The following GLI3 variants were observed in gnomAD, a reference collection of about 807,000 sequenced individuals.
GLI3 encodes the protein GLI family zinc finger 3.
In GLI3, 20 loss-of-function variants were observed where a neutral mutation model predicts 100.8. The ratio of observed to expected loss-of-function variants is 0.20; its 90% CI spans 0.14 to 0.29. The LOEUF is 0.29. GLI3 is among the 10% of genes least tolerant of loss of function. The probability of loss-of-function intolerance (pLI) is 1.00; values close to 1 mark genes in which losing one functional copy is unlikely to be tolerated. For synonymous variants in GLI3, 938 were observed against 860.5 expected, an observed-to-expected ratio of 1.09 and a Z score of -1.58; for missense variants, 2,040 against 2,128.5, an observed-to-expected ratio of 0.96 and a Z score of 0.82.
intron 1 of GLI3, among the ~76,000 whole-genome samples, chr7:42,256,399 A>C (rs2128711177): frequency 6.6e-6 from 1 of 152,138 alleles, no homozygotes; most frequent in Non-Finnish European, 1.5e-5. Flanking sequence ...TTTTTCCAGA[A>C]GTTCTATATT....
chr7:42,176,755 G>A (rs753167469), intron 2 of GLI3, among the ~76,000 whole-genome samples: 3 of 152,180 alleles, frequency 2.0e-5, no homozygotes, highest in Non-Finnish European at 4.4e-5. Context: ...GTGAAGGTGG[G>A]ATATTGATCC....
At chr7:42,038,818 T>C (rs1485648910) in intron 7 of GLI3, among the ~76,000 whole-genome samples, 1 of 152,246 alleles carries the variant, frequency 6.6e-6, no homozygotes, top group African/African-American at 2.4e-5. Context: ...ACAGTATTCA[T>C]TATTTTTACT....
chr7:42,032,509 C>T (rs1038026146), intron 7 of GLI3, among the ~76,000 whole-genome samples: 18 of 152,168 alleles, frequency 1.2e-4, no homozygotes, highest in African/African-American at 4.3e-4. Flanking sequence ...CCCTACTATA[C>T]ATATAGGCAC....
At position 42,040,246 on chromosome 7, in the gene GLI3, T is replaced by C. The variant is rs1360300801; in HGVS notation, c.827-7A>G. 7.5e-6 allele frequency: 12 copies of C among 1,608,974 alleles called. No homozygotes were observed. The highest frequency in any genetic ancestry group is 1.0e-5 in the Non-Finnish European group (12 of 1,175,448). ...GGGCTGGAGAATCTGGTGCCTGTTA[T>C]ATAAACAAAAAAGAACCTAATTACC... is the stretch of plus-strand genomic sequence containing the variant. On this transcript the variant is annotated splice_polypyrimidine_tract_variant and splice_region_variant and intron_variant, in intron 6 of 14. Coordinates refer to ENST00000395925, the MANE Select transcript of GLI3 (RefSeq NM_000168.6).
chr7:41,990,787 G>A (rs1365316426), intron 10 of GLI3, among the ~76,000 whole-genome samples: 7 of 152,170 alleles, frequency 4.6e-5, no homozygotes, highest in Non-Finnish European at 8.8e-5. Context: ...CCTACTGCTC[G>A]TCACATTGCT....
chr7:42,058,000 T>C (rs997112576), intron 4 of GLI3, among the ~76,000 whole-genome samples: 3 of 151,848 alleles, frequency 2.0e-5, no homozygotes, highest in African/African-American at 7.3e-5. Context: ...ATACACTTCA[T>C]CCATGTAACC....
intron 2 of GLI3, among the ~76,000 whole-genome samples, chr7:42,182,666 A>ACGTGTGTGTG (rs779320374): frequency 3.8e-5 from 3 of 79,162 alleles, no homozygotes; most frequent in Non-Finnish European, 7.7e-5. Context: ...ATATATATAT[A>ACGTGTGTGTG]TATATATATA....
intron 10 of GLI3, among the ~76,000 whole-genome samples, chr7:41,988,028 G>C (rs1787877725): frequency 6.6e-6 from 1 of 152,080 alleles, no homozygotes; most frequent in African/African-American, 2.4e-5. Context: ...TCATAATATT[G>C]GTTGATGTTA....
intron 1 of GLI3, among the ~76,000 whole-genome samples, chr7:42,227,921 G>C (rs1004027006): frequency 2.0e-5 from 3 of 152,160 alleles, no homozygotes; most frequent in Admixed American, 1.3e-4. Flanking sequence ...CAGGTTGTAC[G>C]GGTATGGCCA....
At chr7:42,052,283 G>GT (rs1184112318) in intron 4 of GLI3, among the ~76,000 whole-genome samples, 1 of 152,120 alleles carries the variant, frequency 6.6e-6, no homozygotes, top group Non-Finnish European at 1.5e-5. Context: ...CTGTGTCCAG[G>GT]TTTTTTGTGT....
chr7:42,168,185 C>T (rs916881112), intron 2 of GLI3, among the ~76,000 whole-genome samples: 7 of 152,198 alleles, frequency 4.6e-5, no homozygotes, highest in African/African-American at 1.7e-4. Context: ...CAATTTAAAT[C>T]AGAACTCAGT....
chr7:42,172,627 C>T (rs1787398205), intron 2 of GLI3: 1 of 703,016 alleles, frequency 1.4e-6, no homozygotes, highest in Non-Finnish European at 2.6e-6. Context: ...CAGGGATGGA[C>T]AGCGCGGATG....
At chr7:42,088,932 T>C (rs1785160811) in intron 3 of GLI3, among the ~76,000 whole-genome samples, 1 of 152,206 alleles carries the variant, frequency 6.6e-6, no homozygotes, top group Non-Finnish European at 1.5e-5. Context: ...GCCCTTCATC[T>C]GGACTCAGCA....
intron 3 of GLI3, among the ~76,000 whole-genome samples, chr7:42,125,723 C>T (rs1036565027): frequency 2.6e-5 from 4 of 152,176 alleles, no homozygotes; most frequent in African/African-American, 9.7e-5. Context: ...TTATACTCTG[C>T]CCATAATACA....
intron 3 of GLI3, among the ~76,000 whole-genome samples, chr7:42,128,658 G>A (rs1187040635): frequency 6.6e-6 from 1 of 151,528 alleles, no homozygotes; most frequent in African/African-American, 2.4e-5. Flanking sequence ...AGCATCAGAA[G>A]AGATCTTAAA....
Position 42,169,145 on chromosome 7 carries a change from A to G in GLI3, c.125-20677T>C, listed in dbSNP as rs143654639. Reference sequence around the variant, plus strand: ...GAAAGTGTCAATTCAAAAAACTTCCAGACAGCCCTTCAATGTCTGCTTCAG... The same window carrying G: ...GAAAGTGTCAATTCAAAAAACTTCCGGACAGCCCTTCAATGTCTGCTTCAG... On this transcript the variant is annotated intron_variant, in intron 2 of 14. Transcript: ENST00000395925. 1.4e-4 allele frequency among the ~76,000 whole-genome samples: 22 copies of G among 152,334 alleles called. No individual in the cohort carries two copies. In the East Asian group the frequency reaches 4.1e-3, roughly 28 times the overall value.
intron 3 of GLI3, chr7:42,113,634 T>C: frequency 1.1e-6 from 1 of 948,568 alleles, no homozygotes; most frequent in Non-Finnish European, 1.7e-6. Context: ...AGTGTCTGCA[T>C]TTTTGATAAC....
chr7:42,018,204 C>A (rs992736493), intron 10 of GLI3, among the ~76,000 whole-genome samples: 3 of 152,166 alleles, frequency 2.0e-5, no homozygotes, highest in African/African-American at 7.2e-5. Context: ...ACCCTTAAGG[C>A]AAAATTGTCA....
chr7:42,119,975 C>T (rs1053995931), intron 3 of GLI3, among the ~76,000 whole-genome samples: 17 of 152,322 alleles, frequency 1.1e-4, no homozygotes, highest in African/African-American at 4.1e-4. Context: ...CACACGCACA[C>T]ACGCCCTGGA....
Sources: allele counts gnomAD v4.1 joint callset (sites outside exome capture counted in the v4.1 genomes callset), GRCh38; gene constraint gnomAD v4.1.1; transcripts MANE v1.5; gene names NCBI Gene and HGNC (gene_info 2026-07-23, HGNC 2026-07-21).